Variants in BTBD9 observed in about 807,000 individuals in gnomAD.
BTBD9 encodes BTB/POZ domain-containing protein 9.
BTBD9 carries 49 observed loss-of-function variants against 64.3 expected under a neutral mutation model. That is an observed-to-expected ratio of 0.76 (90% CI 0.61 to 0.97). The LOEUF (loss-of-function observed/expected upper bound fraction) is 0.97. BTBD9 is among the 50% of genes least tolerant of loss of function. BTBD9 has a pLI of 0.00. For missense variants in BTBD9, 598 were observed against 762.1 expected (o/e 0.78, Z 2.53); for synonymous variants, 260 against 274.7 (o/e 0.95, Z 0.53).
intron 7 of BTBD9, among the ~76,000 whole-genome samples, chr6:38,301,671 T>C (rs1762408088): frequency 1.3e-5 from 2 of 152,324 alleles, no homozygotes; most frequent in Middle Eastern, 6.8e-3. Context: ...TATTCTCTCA[T>C]TGTAGTTTGT....
At chr6:38,230,588 A>T (rs940669506) in intron 9 of BTBD9, among the ~76,000 whole-genome samples, 2 of 151,592 alleles carry the variant, frequency 1.3e-5, no homozygotes, top group Non-Finnish European at 2.9e-5. Flanking sequence ...TTCCTAGAAT[A>T]AAATTCACAC....
rs1480427286 is a variant in BTBD9 at position 38,598,079 on chromosome 6, G to T, written c.16C>A (p.Pro6Thr). 2 of 1,613,094 alleles carry T rather than the reference G, an allele frequency of 1.2e-6. No homozygotes were observed. Among genetic ancestry groups the T allele is most frequent in the East Asian group, 4.5e-5 (2 of 44,862 alleles). MSNSHPLRPFTAVGEI... is the reference protein window; with the variant it reads MSNSHTLRPFTAVGEI... The stretch of plus-strand genomic sequence containing the variant: ...CCCACTGCAGTAAAGGGGCGAAGAG[G>T]GTGGCTGTTACTCATCTTGTGGAAT... Residue 6 changes from proline to threonine, a missense_variant, in exon 2 of 11, where the codon CCT becomes ACT. Physicochemically the swap from Pro to Thr is conservative, Grantham distance 38. Coordinates refer to ENST00000481247, the MANE Select transcript of BTBD9 (RefSeq NM_001099272.2).
rs961567927 is a variant in BTBD9 at position 38,225,563 on chromosome 6, T to C, written c.1562+30846A>G. 3.3e-5 allele frequency among the ~76,000 whole-genome samples: 5 copies of C among 152,202 alleles called. No homozygotes were observed. In the East Asian group the frequency reaches 9.6e-4, roughly 29 times the overall value. Reference sequence around the variant, plus strand: ...ATTTTATAGGTGCTAAGAATGTAGATATGAACAAAGCAGACATGGTCTCCA... The same window carrying C: ...ATTTTATAGGTGCTAAGAATGTAGACATGAACAAAGCAGACATGGTCTCCA... On this transcript the variant is annotated intron_variant, in intron 9 of 10. Coordinates refer to ENST00000481247, the MANE Select transcript of BTBD9 (RefSeq NM_001099272.2).
intron 8 of BTBD9, among the ~76,000 whole-genome samples, chr6:38,278,287 AAAAC>A (rs775925651): frequency 2.2e-4 from 33 of 152,368 alleles, no homozygotes; most frequent in African/African-American, 7.2e-4. Context: ...ATGTGACACA[AAAAC>A]AAACAAACAA....
intron 6 of BTBD9, among the ~76,000 whole-genome samples, chr6:38,369,287 T>G (rs1765319198): frequency 1.3e-5 from 2 of 152,136 alleles, no homozygotes. Flanking sequence ...GAATACAAAA[T>G]CTGACCATTT....
chr6:38,480,096 C>T (rs1279453978), intron 6 of BTBD9, among the ~76,000 whole-genome samples: 1 of 152,150 alleles, frequency 6.6e-6, no homozygotes, highest in Admixed American at 6.5e-5. Flanking sequence ...GGGAAAAAAG[C>T]AATACAATAC....
At chr6:38,520,794 A>T (rs1456503530) in intron 6 of BTBD9, among the ~76,000 whole-genome samples, 1 of 151,596 alleles carries the variant, frequency 6.6e-6, no homozygotes, top group Non-Finnish European at 1.5e-5. Context: ...AAAAAATTTA[A>T]AAAAAAGCCA....
intron 8 of BTBD9, among the ~76,000 whole-genome samples, chr6:38,274,189 T>C (rs1050857902): frequency 7.2e-5 from 11 of 152,334 alleles, no homozygotes; most frequent in Non-Finnish European, 1.5e-4. Flanking sequence ...TTGTCTGTTA[T>C]TGGTGTATAA....
chr6:38,228,293 G>A (rs1411076789), intron 9 of BTBD9, among the ~76,000 whole-genome samples: 3 of 139,644 alleles, frequency 2.1e-5, no homozygotes, highest in African/African-American at 5.5e-5. Flanking sequence ...GCTACAGTGG[G>A]CTATGATAAC....
intron 9 of BTBD9, among the ~76,000 whole-genome samples, chr6:38,247,938 A>T (rs868482365): frequency 1.1e-3 from 160 of 151,216 alleles, no homozygotes; most frequent in Non-Finnish European, 1.7e-3. Flanking sequence ...CAAAAAAAAA[A>T]TTTTTTTTTT....
rs146758279 is a variant in BTBD9 at position 38,458,890 on chromosome 6, A to G, written c.1155-113797T>C. Among the ~76,000 whole-genome samples the G allele has an allele frequency of 3.5e-3, 536 of 152,370 alleles. 3 individuals are homozygous for G. The highest frequency in any genetic ancestry group is 5.4e-3 in the Non-Finnish European group (366 of 68,036). Reference sequence around the variant, plus strand: ...AAGTATGACAAAAAAAGGCCATTTTATGAGCATCTTTGCCAGTTGAATACT... The same window carrying G: ...AAGTATGACAAAAAAAGGCCATTTTGTGAGCATCTTTGCCAGTTGAATACT... On this transcript the variant is annotated intron_variant, in intron 6 of 10. Coordinates refer to ENST00000481247, the MANE Select transcript of BTBD9 (RefSeq NM_001099272.2).
At chr6:38,256,559 C>T in intron 8 of BTBD9, 43 bp from the exon 9 acceptor site, 2 of 1,424,456 alleles carry the variant, frequency 1.4e-6, no homozygotes, top group East Asian at 2.3e-5. Flanking sequence ...AATGTTTTAA[C>T]TGGTTGTTTC....
chr6:38,374,261 C>A, intron 6 of BTBD9, among the ~76,000 whole-genome samples: 1 of 59,442 alleles, frequency 1.7e-5, no homozygotes, highest in Non-Finnish European at 2.8e-5. Flanking sequence ...AGAGTGAGGC[C>A]TTGTGTCGAA....
chr6:38,440,248 T>C, intron 6 of BTBD9, among the ~76,000 whole-genome samples: 1 of 152,128 alleles, frequency 6.6e-6, no homozygotes, highest in East Asian at 1.9e-4. Context: ...GCCAAGGCAC[T>C]TCAGTTTTAG....
intron 6 of BTBD9, among the ~76,000 whole-genome samples, chr6:38,376,011 C>T (rs969082839): frequency 3.3e-5 from 5 of 151,992 alleles, no homozygotes; most frequent in Non-Finnish European, 5.9e-5. Flanking sequence ...ACTAAGTCTG[C>T]TGTCTTATAT....
chr6:38,511,022 C>T (rs752691364), intron 6 of BTBD9, among the ~76,000 whole-genome samples: 3 of 152,136 alleles, frequency 2.0e-5, no homozygotes, highest in Non-Finnish European at 2.9e-5. Flanking sequence ...GGGTTGCTTA[C>T]ACCAGCATCA....
intron 6 of BTBD9, among the ~76,000 whole-genome samples, chr6:38,544,742 C>T (rs1210129503): frequency 4.0e-5 from 6 of 151,724 alleles, no homozygotes; most frequent in South Asian, 2.1e-4. Context: ...GGTTGGCCAA[C>T]GTGGTGAAAC....
chr6:38,339,593 G>A (rs2127586920), intron 7 of BTBD9, among the ~76,000 whole-genome samples: 1 of 152,170 alleles, frequency 6.6e-6, no homozygotes, highest in East Asian at 1.9e-4. Flanking sequence ...TATAAATTCA[G>A]AAATAAATAT....
intron 6 of BTBD9, among the ~76,000 whole-genome samples, chr6:38,454,613 A>G (rs1366331920): frequency 1.3e-5 from 2 of 151,712 alleles, no homozygotes; most frequent in African/African-American, 2.4e-5. Context: ...CCTGGGCAAC[A>G]TAGTAAGACC....
Sources: allele counts gnomAD v4.1 joint callset (sites outside exome capture counted in the v4.1 genomes callset), GRCh38; gene constraint gnomAD v4.1.1; transcripts MANE v1.5; gene names NCBI Gene and HGNC (gene_info 2026-07-23, HGNC 2026-07-21).